The following CADM2 variants were observed in gnomAD, a reference collection of about 807,000 sequenced individuals.
CADM2 encodes the protein cell adhesion molecule 2.
CADM2 carries 12 observed loss-of-function variants against 49.8 expected under a neutral mutation model. That is an observed-to-expected ratio of 0.24 (90% confidence interval 0.15 to 0.39). The LOEUF is 0.39. CADM2 is among the 10% of genes least tolerant of loss of function. The probability of loss-of-function intolerance (pLI) is 1.00; values close to 1 mark genes in which losing one functional copy is unlikely to be tolerated. For missense variants in CADM2, 378 were observed against 492.3 expected, an observed-to-expected ratio of 0.77 and a Z score of 2.20; for synonymous variants, 214 against 175.4, an observed-to-expected ratio of 1.22 and a Z score of -1.74.
At chr3:85,241,883 A>G (rs2042538648) in intron 1 of CADM2, among the ~76,000 whole-genome samples, 1 of 151,590 alleles carries the variant, frequency 6.6e-6, no homozygotes, top group African/African-American at 2.4e-5. Context: ...CAGAGCTAAC[A>G]TATAATAAAT....
rs111945056 is a variant in CADM2, at chr3:85,117,898, C to T, written c.61+158230C>T. Among the ~76,000 whole-genome samples, 1,011 of 151,992 alleles carry T rather than the reference C, an allele frequency of 6.7e-3. 9 individuals are homozygous for T. The highest frequency in any genetic ancestry group is 0.023 in the African/African-American group (955 of 41,466). On this transcript the variant is annotated intron_variant, in intron 1 of 9. Coordinates refer to ENST00000383699, the MANE Select transcript of CADM2 (RefSeq NM_001167675.2). ...ATATTTTCTGAAATGATAGTTGATT[C>T]GGCCCTATTATAATGAAGCTTTCAT...
At chr3:85,171,150 A>G (rs1196384925) in intron 1 of CADM2, among the ~76,000 whole-genome samples, 1 of 152,204 alleles carries the variant, frequency 6.6e-6, no homozygotes, top group African/African-American at 2.4e-5. Context: ...GTTATTCACA[A>G]GTGTTATCTT....
intron 1 of CADM2, among the ~76,000 whole-genome samples, chr3:85,034,184 G>C (rs1157971371): frequency 6.6e-6 from 1 of 152,100 alleles, no homozygotes; most frequent in Non-Finnish European, 1.5e-5. Context: ...ATTGTCTACT[G>C]TGTCACCCTG....
At chr3:85,384,195 T>C (rs1299783983) in intron 1 of CADM2, among the ~76,000 whole-genome samples, 3 of 151,096 alleles carry the variant, frequency 2.0e-5, no homozygotes, top group Non-Finnish European at 4.4e-5. Context: ...CGACATCCCA[T>C]TGTTATATAT....
chr3:85,091,160 AT>A (rs1157469216), intron 1 of CADM2, among the ~76,000 whole-genome samples: 5 of 152,314 alleles, frequency 3.3e-5, no homozygotes, highest in African/African-American at 9.6e-5. Flanking sequence ...GAGAGGTAGC[AT>A]TTGTTACTAG....
At chr3:85,644,576 C>T (rs766103978) in intron 1 of CADM2, among the ~76,000 whole-genome samples, 7 of 152,254 alleles carry the variant, frequency 4.6e-5, no homozygotes, top group South Asian at 2.1e-4. Flanking sequence ...ACAGCAGCAA[C>T]GTTCCAAACC....
At chr3:86,013,383 C>G (rs1731798751) in intron 8 of CADM2, 2 of 1,538,416 alleles carry the variant, frequency 1.3e-6, no homozygotes, top group Admixed American at 1.7e-5. Flanking sequence ...GCAAAATATA[C>G]CTCTGGATGG....
intron 8 of CADM2, among the ~76,000 whole-genome samples, chr3:85,981,671 T>C (rs1727503672): frequency 6.6e-6 from 1 of 151,694 alleles, no homozygotes; most frequent in Non-Finnish European, 1.5e-5. Context: ...TCTTTGCTGC[T>C]GCAAAGGATA....
intron 1 of CADM2, among the ~76,000 whole-genome samples, chr3:85,174,796 A>G (rs551647907): frequency 3.3e-5 from 5 of 152,254 alleles, no homozygotes; most frequent in Non-Finnish European, 5.9e-5. Flanking sequence ...AGATTGGCTT[A>G]TTAGAGGATA....
At chr3:85,943,855 C>G (rs982060370) in intron 7 of CADM2, among the ~76,000 whole-genome samples, 1 of 152,038 alleles carries the variant, frequency 6.6e-6, no homozygotes, top group Non-Finnish European at 1.5e-5. Context: ...TAAGTAGAAA[C>G]TGCATCAACT....
chr3:85,892,589 T>C (rs752660088), intron 5 of CADM2, among the ~76,000 whole-genome samples: 2 of 152,148 alleles, frequency 1.3e-5, no homozygotes, highest in Non-Finnish European at 2.9e-5. Flanking sequence ...CCTGCCACCA[T>C]GTAAGATGTG....
intron 2 of CADM2, among the ~76,000 whole-genome samples, chr3:85,784,139 C>A (rs2070825830): frequency 6.6e-6 from 1 of 152,188 alleles, no homozygotes. Flanking sequence ...TATCTTTATT[C>A]CCATCTTGCT....
rs114177742 is a variant in CADM2, at chr3:85,246,575, A to C, written c.61+286907A>C. On this transcript the variant is annotated intron_variant, in intron 1 of 9. Transcript: ENST00000383699. ...TTTAGCATTTCTTATTTGATATGAA[A>C]AAAGATTCCAGGATAATTGTAAAAT... Among the ~76,000 whole-genome samples, 836 of 152,314 alleles carry C rather than the reference A, an allele frequency of 5.5e-3. 4 individuals carry two copies. Among genetic ancestry groups the C allele is most frequent in the Middle Eastern group, 0.017 (5 of 294 alleles).
intron 1 of CADM2, among the ~76,000 whole-genome samples, chr3:85,295,774 T>C (rs1347561601): frequency 6.6e-6 from 1 of 151,158 alleles, no homozygotes; most frequent in Non-Finnish European, 1.5e-5. Context: ...CTGGGGACTG[T>C]TGTGGGGTTG....
chr3:86,063,349 T>C (rs528048631), intron 8 of CADM2, among the ~76,000 whole-genome samples: 51 of 152,322 alleles, frequency 3.3e-4, no homozygotes, highest in African/African-American at 1.2e-3. Context: ...CCAAGAATGG[T>C]ATACACAGGG....
chr3:85,251,974 A>G (rs2042785165), intron 1 of CADM2, among the ~76,000 whole-genome samples: 1 of 151,970 alleles, frequency 6.6e-6, no homozygotes, highest in Admixed American at 6.6e-5. Flanking sequence ...ATAATGGTCA[A>G]TATCTCCACC....
intron 1 of CADM2, among the ~76,000 whole-genome samples, chr3:85,562,473 C>A: frequency 1.3e-5 from 1 of 79,968 alleles, no homozygotes; most frequent in Non-Finnish European, 2.3e-5. Flanking sequence ...AGAGAAACTC[C>A]ATCTCAAAAA....
intron 1 of CADM2, among the ~76,000 whole-genome samples, chr3:85,099,922 A>G (rs2037948214): frequency 6.6e-6 from 1 of 152,208 alleles, no homozygotes; most frequent in Non-Finnish European, 1.5e-5. Flanking sequence ...AACCATATCT[A>G]TCATGACTCA....
chr3:84,995,690 A>G (rs1433781118), intron 1 of CADM2, among the ~76,000 whole-genome samples: 1 of 152,206 alleles, frequency 6.6e-6, no homozygotes, highest in Non-Finnish European at 1.5e-5. Flanking sequence ...AAAAGAGATT[A>G]CTTGCCTACA....
Sources: allele counts gnomAD v4.1 joint callset (sites outside exome capture counted in the v4.1 genomes callset), GRCh38; gene constraint gnomAD v4.1.1; transcripts MANE v1.5; gene names NCBI Gene and HGNC (gene_info 2026-07-23, HGNC 2026-07-21).